Variants in UBE2D1 observed in about 807,000 individuals in gnomAD.
The protein encoded by UBE2D1 is ubiquitin-conjugating enzyme E2 D1.
Under a neutral mutation model 24.6 loss-of-function variants are expected in UBE2D1, and 9 were observed. That is an observed-to-expected ratio of 0.37 (90% CI 0.22 to 0.64). UBE2D1 has a LOEUF of 0.64. UBE2D1 is among the 30% of genes least tolerant of loss of function. The pLI, the probability that UBE2D1 is intolerant of heterozygous loss-of-function variation, is 0.64. For synonymous variants in UBE2D1, 57 were observed against 57.6 expected (o/e 0.99, Z 0.04); for missense variants, 87 against 177.1 (o/e 0.49, Z 2.89).
chr10:58,363,755 G>A, intron 4 of UBE2D1, 69 bp downstream of exon 4: 2 of 1,175,094 alleles, frequency 1.7e-6, no homozygotes, highest in Non-Finnish European at 2.5e-6. Flanking sequence ...GAGCTCATTT[G>A]ATTATCTAGA....
chr10:58,355,166 T>G (rs1477271812), intron 1 of UBE2D1, among the ~76,000 whole-genome samples: 2 of 152,196 alleles, frequency 1.3e-5, no homozygotes, highest in African/African-American at 4.8e-5. Flanking sequence ...GAAATTAATT[T>G]TGATCTCATA....
At chr10:58,355,666 T>G (rs890769184) in intron 1 of UBE2D1, among the ~76,000 whole-genome samples, 1 of 152,188 alleles carries the variant, frequency 6.6e-6, no homozygotes, top group Non-Finnish European at 1.5e-5. Context: ...TTAGATTGTA[T>G]ATAAAAAGTT....
chr10:58,335,033 C>A lies in UBE2D1; in HGVS notation c.-169C>A. 4 of 628,516 alleles carry A rather than the reference C, an allele frequency of 6.4e-6. No homozygotes were observed. The highest frequency in any genetic ancestry group is 6.7e-5 in the East Asian group (2 of 29,978). 38.9% of individuals were successfully genotyped at this position (628,516 alleles called of 1,614,324 possible). On this transcript the variant is annotated 5_prime_UTR_variant, in exon 1 of 7. Coordinates refer to ENST00000373910, the MANE Select transcript of UBE2D1 (RefSeq NM_003338.5). ...ACACTCGCGCACACTCGCGCTCGGG[C>A]GCACACGGAGCAGGGACCGGCGCCC...
At position 58,369,574 on chromosome 10, in the gene UBE2D1, T is replaced by C. The variant is rs1181862167; in HGVS notation, c.*809T>C. On this transcript the variant is annotated 3_prime_UTR_variant, in exon 7 of 7. Transcript: ENST00000373910. ...AGATCTTACTGTAGCTTTTTCCATA[T>C]AAATAAAATGCTTTTTCTACTATTT... The C allele has an allele frequency of 3.3e-5, 5 of 152,506 alleles. No homozygotes were observed. The highest frequency in any genetic ancestry group is 1.2e-4 in the African/African-American group (5 of 41,440). The allele number at this position is 152,506 out of a possible 1,614,324, so 9.4% of individuals were successfully genotyped here. A position where few individuals can be genotyped will look rare whatever the true frequency, so the allele number is the denominator to read the frequency against.
intron 1 of UBE2D1, among the ~76,000 whole-genome samples, chr10:58,341,450 G>A (rs1449964693): frequency 6.6e-6 from 1 of 152,000 alleles, no homozygotes; most frequent in East Asian, 1.9e-4. Flanking sequence ...TTGTAATTAA[G>A]CTCAGTCTTT....
intron 3 of UBE2D1, among the ~76,000 whole-genome samples, chr10:58,362,652 C>T (rs907412767): frequency 2.0e-5 from 3 of 151,978 alleles, no homozygotes; most frequent in African/African-American, 7.2e-5. Flanking sequence ...TAAATATTTA[C>T]AGTACTCTGG....
At chr10:58,358,841 G>A (rs1391414634) in intron 1 of UBE2D1, among the ~76,000 whole-genome samples, 2 of 150,632 alleles carry the variant, frequency 1.3e-5, no homozygotes, top group African/African-American at 2.4e-5. Flanking sequence ...GTTTACTGCA[G>A]CCTCGAACTC....
At chr10:58,342,835 T>G (rs1321264918) in intron 1 of UBE2D1, among the ~76,000 whole-genome samples, 7 of 139,468 alleles carry the variant, frequency 5.0e-5, no homozygotes, top group South Asian at 4.6e-4. Context: ...TTTTTTTTTG[T>G]TTTTTTTTTT....
intron 1 of UBE2D1, among the ~76,000 whole-genome samples, chr10:58,344,509 T>TA (rs1316697520): frequency 1.3e-5 from 2 of 152,172 alleles, no homozygotes; most frequent in African/African-American, 4.8e-5. Flanking sequence ...TTTGCTGTTT[T>TA]TTTTTTTGCA....
At chr10:58,362,627 C>T (rs542168282) in intron 3 of UBE2D1, among the ~76,000 whole-genome samples, 60 of 152,142 alleles carry the variant, frequency 3.9e-4, no homozygotes, top group Middle Eastern at 3.4e-3. Context: ...TCATAACTCC[C>T]TTACTTTAGT....
intron 5 of UBE2D1, among the ~76,000 whole-genome samples, chr10:58,365,920 G>A (rs892465220): frequency 6.6e-6 from 1 of 152,164 alleles, no homozygotes; most frequent in Non-Finnish European, 1.5e-5. Context: ...GTCCACAGCC[G>A]TAGCTCTTTC....
chr10:58,361,472 C>G lies in UBE2D1; in HGVS notation c.89-23C>G, dbSNP rs755920880. On this transcript the variant is annotated intron_variant, in intron 2 of 6. Transcript: ENST00000373910. ...AGGTTTGAACATTTGTTAATGACTC[C>G]AAAACTCCTTTGTTTGTTTCAGTGT... The G allele has an allele frequency of 2.5e-6, 4 of 1,614,052 alleles. No individual in the cohort carries two copies. The African/African-American group carries it at 5.3e-5, about 22-fold the overall frequency.
Position 58,369,861 on chromosome 10 carries a change from G to T in UBE2D1, c.*1096G>T, listed in dbSNP as rs2132336911. 1 of 152,006 alleles carries T rather than the reference G, an allele frequency of 6.6e-6. No individual in the cohort carries two copies. The highest frequency in any genetic ancestry group is 6.6e-5 in the Admixed American group (1 of 15,254). 9.4% of individuals were successfully genotyped at this position (152,006 alleles called of 1,614,324 possible). On this transcript the variant is annotated 3_prime_UTR_variant, in exon 7 of 7. Coordinates refer to ENST00000373910, the MANE Select transcript of UBE2D1 (RefSeq NM_003338.5). ...TGGATTATATCTAAATGGATTATTT[G>T]TTAAAAGTACTGAAATGAGTATAAG...
Position 58,368,830 on chromosome 10 carries a change from G to A in UBE2D1, c.*65G>A, listed in dbSNP as rs1840284926. The A allele has an allele frequency of 2.7e-6, 3 of 1,113,946 alleles. No individual in the cohort carries two copies. The highest frequency in any genetic ancestry group is 1.6e-5 in the African/African-American group (1 of 62,488). 69.0% of individuals were successfully genotyped at this position (1,113,946 alleles called of 1,614,324 possible). ...ATCTAGGTTTTTTTCAACATTAGCA[G>A]TAAATTGAGCACTGTTTACTGTTTC... On this transcript the variant is annotated 3_prime_UTR_variant, in exon 7 of 7. Coordinates refer to ENST00000373910, the MANE Select transcript of UBE2D1 (RefSeq NM_003338.5).
chr10:58,361,635 G>C, intron 3 of UBE2D1, 109 bp downstream of exon 3: 1 of 1,460,306 alleles, frequency 6.8e-7, no homozygotes, highest in Non-Finnish European at 9.5e-7. Flanking sequence ...CTTGTACTTT[G>C]AATCACCTAG....
At chr10:58,354,111 G>A (rs1589000346) in intron 1 of UBE2D1, among the ~76,000 whole-genome samples, 1 of 152,248 alleles carries the variant, frequency 6.6e-6, no homozygotes, top group East Asian at 1.9e-4. Flanking sequence ...CTTTACCTAT[G>A]TATTTTTATA....
chr10:58,340,331 T>G (rs1839949241), intron 1 of UBE2D1, among the ~76,000 whole-genome samples: 1 of 152,188 alleles, frequency 6.6e-6, no homozygotes, highest in African/African-American at 2.4e-5. Flanking sequence ...TATTCTGTCT[T>G]TACATTCAGG....
At position 58,367,976 on chromosome 10, in the gene UBE2D1, G is replaced by T. The variant is rs1840274894; in HGVS notation, c.358G>T (p.Val120Leu). ...LCDPNPDDPL[V>L]PDIAQIYKSD... Reference sequence around the variant, plus strand: ...TGATCCTAATCCAGATGACCCCTTAGTACCAGATATTGCACAAATCTATAA... The same window carrying T: ...TGATCCTAATCCAGATGACCCCTTATTACCAGATATTGCACAAATCTATAA... Residue 120 changes from valine (V) to leucine (L), a missense_variant, in exon 6 of 7, where the codon GTA (valine) becomes TTA (leucine). By Grantham distance (32) the Val-to-Leu change is conservative. Transcript: ENST00000373910. 1 of 1,610,500 alleles carries T rather than the reference G, an allele frequency of 6.2e-7. No individual in the cohort carries two copies. The highest frequency in any genetic ancestry group is 1.3e-5 in the African/African-American group (1 of 74,678).
Position 58,335,226 on chromosome 10 carries a change from G to C in UBE2D1, c.24+1G>C. Reference sequence around the variant, plus strand: ...CATGGCGCTGAAGAGGATTCAGAAAGTGAGTGCCGGGGCCGGGCCTGGGGC... The same window carrying C: ...CATGGCGCTGAAGAGGATTCAGAAACTGAGTGCCGGGGCCGGGCCTGGGGC... On this transcript the variant is annotated splice_donor_variant, in intron 1 of 6. Coordinates refer to ENST00000373910, the MANE Select transcript of UBE2D1 (RefSeq NM_003338.5). LOFTEE classifies it high-confidence loss of function. 1 of 1,543,698 alleles carries C rather than the reference G, an allele frequency of 6.5e-7. No individual in the cohort carries two copies. Among genetic ancestry groups the C allele is most frequent in the Non-Finnish European group, 8.7e-7 (1 of 1,147,388 alleles).
Sources: allele counts gnomAD v4.1 joint callset (sites outside exome capture counted in the v4.1 genomes callset), GRCh38; gene constraint gnomAD v4.1.1; transcripts MANE v1.5; gene names NCBI Gene and HGNC (gene_info 2026-07-23, HGNC 2026-07-21).